Variants in FERRY3 observed in about 807,000 individuals in gnomAD.
FERRY3 encodes FERRY endosomal RAB5 effector complex subunit 3.
the FERRY3 span, among the ~76,000 whole-genome samples, chr12:4,519,044 G>A: frequency 6.6e-6 from 1 of 152,118 alleles, no homozygotes; most frequent in African/African-American, 2.4e-5. This position sits in a 1 kb window ranked among gnomAD's most constrained non-coding sequence, Gnocchi z 4.3. Context: ...AGCACCAACA[G>A]GTTCTAAAAT....
the FERRY3 span, among the ~76,000 whole-genome samples, chr12:4,511,648 A>G: frequency 1.3e-5 from 2 of 150,968 alleles, no homozygotes; most frequent in South Asian, 2.1e-4. Flanking sequence ...TACTGGGTAC[A>G]TAACAAAATG....
chr12:4,533,257 T>G, the FERRY3 span, among the ~76,000 whole-genome samples: 4 of 152,330 alleles, frequency 2.6e-5, no homozygotes, highest in East Asian at 5.8e-4. Flanking sequence ...ATTCTATCCC[T>G]TCTAGTCCTA....
chr12:4,500,803 C>T, the FERRY3 span, among the ~76,000 whole-genome samples: 119 of 152,252 alleles, frequency 7.8e-4, no homozygotes, highest in Admixed American at 5.0e-3. Context: ...CAGGCATGTG[C>T]CATCATGCCC....
the FERRY3 span, among the ~76,000 whole-genome samples, chr12:4,496,571 T>C: frequency 6.6e-6 from 1 of 151,826 alleles, no homozygotes; most frequent in African/African-American, 2.4e-5. Flanking sequence ...TGTCACACTT[T>C]AGATGACATG....
chr12:4,502,403 A>G, the FERRY3 span: 1 of 453,822 alleles, frequency 2.2e-6, no homozygotes, highest in Non-Finnish European at 4.4e-6. This position sits in a 1 kb window ranked among gnomAD's most constrained non-coding sequence, Gnocchi z 4.2. Context: ...ATTAAAATCC[A>G]TGCTTCCTAC....
the FERRY3 span, chr12:4,509,368 G>A: frequency 1.1e-4 from 18 of 167,262 alleles, no homozygotes; most frequent in South Asian, 5.9e-4. Flanking sequence ...CAAAGCAGCC[G>A]GGAAGCTCCA....
chr12:4,490,162 A>T, the FERRY3 span, among the ~76,000 whole-genome samples: 1 of 152,204 alleles, frequency 6.6e-6, no homozygotes, highest in Non-Finnish European at 1.5e-5. Context: ...TAGTGTAATC[A>T]GTAATAAAAA....
chr12:4,502,133 T>G, the FERRY3 span, among the ~76,000 whole-genome samples: 1 of 152,232 alleles, frequency 6.6e-6, no homozygotes, highest in Non-Finnish European at 1.5e-5. The surrounding 1 kb of genome is among the most constrained non-coding windows in gnomAD (Gnocchi z 4.2). Context: ...TCCTTGACTA[T>G]CCTATGTACT....
chr12:4,504,371 A>G, the FERRY3 span, among the ~76,000 whole-genome samples: 1 of 152,194 alleles, frequency 6.6e-6, no homozygotes, highest in Non-Finnish European at 1.5e-5. Context: ...TAAAGTGTAC[A>G]AATAGTCCTT....
chr12:4,532,056 G>A, the FERRY3 span, among the ~76,000 whole-genome samples: 12 of 150,932 alleles, frequency 8.0e-5, no homozygotes, highest in Non-Finnish European at 1.6e-4. Flanking sequence ...GGCTTTGAAT[G>A]CCGCCCAACA....
chr12:4,512,589 C>T, the FERRY3 span, among the ~76,000 whole-genome samples: 15 of 151,502 alleles, frequency 9.9e-5, no homozygotes, highest in East Asian at 3.9e-4. Flanking sequence ...ATTCAATATA[C>T]GCAAATCAAT....
chr12:4,500,853 A>G, the FERRY3 span, among the ~76,000 whole-genome samples: 1 of 152,168 alleles, frequency 6.6e-6, no homozygotes, highest in Non-Finnish European at 1.5e-5. Flanking sequence ...GGGTTTCACC[A>G]TGTTGGCTAG....
chr12:4,501,658 C>A, the FERRY3 span, among the ~76,000 whole-genome samples: 1 of 152,172 alleles, frequency 6.6e-6, no homozygotes, highest in Non-Finnish European at 1.5e-5. Flanking sequence ...CCCATCACCC[C>A]TAGATGGGAT....
the FERRY3 span, among the ~76,000 whole-genome samples, chr12:4,513,274 C>G: frequency 6.7e-6 from 1 of 149,070 alleles, no homozygotes; most frequent in Non-Finnish European, 1.5e-5. Flanking sequence ...ATTCCATGCT[C>G]ATGGGTAGGA....
the FERRY3 span, chr12:4,502,306 A>T: frequency 2.5e-6 from 1 of 397,314 alleles, no homozygotes; most frequent in South Asian, 1.9e-5. The surrounding 1 kb of genome is among the most constrained non-coding windows in gnomAD (Gnocchi z 4.2). Flanking sequence ...CAAGTAGAAC[A>T]GCACCTGGCA....
chr12:4,516,932 A>T, the FERRY3 span: 30 of 942,820 alleles, frequency 3.2e-5, no homozygotes, highest in African/African-American at 2.1e-4. Flanking sequence ...GAAAAAACTT[A>T]AAAAAATCTT....
At chr12:4,500,010 C>A in the FERRY3 span, 9 of 818,592 alleles carry the variant, frequency 1.1e-5, no homozygotes, top group South Asian at 1.4e-4. Context: ...ATTCTACTAA[C>A]CAGATCGGAG....
the FERRY3 span, chr12:4,525,493 T>C: frequency 3.1e-6 from 5 of 1,611,722 alleles, no homozygotes; most frequent in Middle Eastern, 5.0e-4. Context: ...CTTGCTGGGA[T>C]TCAAAATGCT....
At chr12:4,525,372 G>C in the FERRY3 span, 2 of 1,612,392 alleles carry the variant, frequency 1.2e-6, no homozygotes, top group Non-Finnish European at 1.7e-6. Context: ...TTATTTTCTA[G>C]GTCCTAAAAG....
Sources: gnomAD v4.1 joint callset for allele counts (sites outside exome capture counted in the v4.1 genomes callset) on GRCh38, gnomAD v4.1.1 for gene constraint, Gnocchi (gnomAD v3.1) non-coding constraint, MANE v1.5 for transcripts, NCBI Gene and HGNC (gene_info 2026-07-23, HGNC 2026-07-21) for gene names.